The following C9 variants were observed in gnomAD, a reference collection of about 807,000 sequenced individuals.
C9 encodes complement component C9.
In C9, 63 loss-of-function variants were observed where a neutral mutation model predicts 65.4. The observed-to-expected ratio is 0.96, with a 90% CI of 0.79 to 1.19. The LOEUF is 1.19. Among genes scored for constraint, C9 ranks in the 50% most tolerant of loss-of-function variants. The pLI, the probability that C9 is intolerant of heterozygous loss-of-function variation, is 0.00. For synonymous variants in C9, 229 were observed against 227.9 expected (o/e 1.00, Z -0.04); for missense variants, 744 against 670.1 (o/e 1.11, Z -1.22).
chr5:39,285,945 C>T (rs1056045956), intron 10 of C9, among the ~76,000 whole-genome samples: 1 of 152,032 alleles, frequency 6.6e-6, no homozygotes, highest in Admixed American at 6.6e-5. Flanking sequence ...CTAGAACATT[C>T]TATGTCAACA....
Position 39,315,852 on chromosome 5 carries a change from G to A in C9, c.793C>T (p.His265Tyr), listed in dbSNP as rs1249666602. The change falls in exon 6 of 11, where the codon CAT (histidine) becomes TAT (tyrosine). Residue 265 changes from histidine to tyrosine, a missense_variant. Physicochemically the swap from His to Tyr is moderately conservative, Grantham distance 83. Coordinates refer to ENST00000263408, the MANE Select transcript of C9 (RefSeq NM_001737.5). The part of the protein sequence containing the change: ...CEETASSISL[H>Y]GKGSFRFSYS... Reference sequence around the variant, plus strand: ...GAAAACCGAAAACTACCCTTGCCATGTAAAGAAATTGAGGAGGCTGTTTCC... The same window carrying A: ...GAAAACCGAAAACTACCCTTGCCATATAAAGAAATTGAGGAGGCTGTTTCC... 6.2e-7 allele frequency: 1 copy of A among 1,611,612 alleles called. No homozygotes were observed. Among genetic ancestry groups the A allele is most frequent in the East Asian group, 2.2e-5 (1 of 44,806 alleles).
chr5:39,302,167 C>T (rs928497337), intron 9 of C9, among the ~76,000 whole-genome samples: 2 of 152,048 alleles, frequency 1.3e-5, no homozygotes, highest in African/African-American at 4.8e-5. Context: ...AAAAATTCCA[C>T]AGGAGGACAA....
intron 1 of C9, among the ~76,000 whole-genome samples, chr5:39,345,151 G>T (rs1008067533): frequency 2.0e-5 from 3 of 152,146 alleles, no homozygotes; most frequent in Admixed American, 6.5e-5. Flanking sequence ...ATAATGACAG[G>T]ATCAAATTCA....
At chr5:39,298,486 T>C (rs552251179) in intron 9 of C9, among the ~76,000 whole-genome samples, 13 of 151,900 alleles carry the variant, frequency 8.6e-5, no homozygotes, top group African/African-American at 2.9e-4. Context: ...GATATCACTA[T>C]AGAATCTACA....
At chr5:39,324,131 G>A (rs1404035018) in intron 5 of C9, among the ~76,000 whole-genome samples, 1 of 152,134 alleles carries the variant, frequency 6.6e-6, no homozygotes, top group Non-Finnish European at 1.5e-5. Flanking sequence ...GCTGTATGAT[G>A]AAATTCATAA....
chr5:39,363,906 G>A (rs548445455), intron 1 of C9, among the ~76,000 whole-genome samples: 21 of 152,302 alleles, frequency 1.4e-4, no homozygotes, highest in Admixed American at 6.5e-4. Flanking sequence ...CAAAATGCAT[G>A]CCTCTGAACA....
At chr5:39,357,908 A>G (rs1221191080) in intron 1 of C9, among the ~76,000 whole-genome samples, 3 of 152,202 alleles carry the variant, frequency 2.0e-5, no homozygotes, top group African/African-American at 7.2e-5. Context: ...ATCTAAAGAT[A>G]TTTGCTTGAA....
At chr5:39,294,649 A>T (rs942244395) in intron 9 of C9, among the ~76,000 whole-genome samples, 28 of 151,840 alleles carry the variant, frequency 1.8e-4, no homozygotes, top group Non-Finnish European at 2.9e-4. Context: ...ACAAGAATTA[A>T]CACTAATTCT....
At chr5:39,331,651 T>C (rs1051455566) in intron 5 of C9, 25 bp downstream of exon 5, 21 of 1,610,792 alleles carry the variant, frequency 1.3e-5, no homozygotes, top group Non-Finnish European at 1.6e-5. Context: ...AGTTGAACAA[T>C]GTGTTTTCCT....
At chr5:39,330,891 G>A (rs1753827276) in intron 5 of C9, among the ~76,000 whole-genome samples, 1 of 152,208 alleles carries the variant, frequency 6.6e-6, no homozygotes. Flanking sequence ...TTATTTAAAA[G>A]CATACACATT....
At chr5:39,302,752 C>A (rs1256031503) in intron 9 of C9, among the ~76,000 whole-genome samples, 2 of 151,958 alleles carry the variant, frequency 1.3e-5, no homozygotes, top group East Asian at 1.9e-4. Context: ...TACATTCATG[C>A]CAGGAGGACC....
intron 5 of C9, among the ~76,000 whole-genome samples, chr5:39,327,663 T>C (rs533327841): frequency 6.6e-6 from 1 of 152,258 alleles, no homozygotes; most frequent in Admixed American, 6.5e-5. Flanking sequence ...CAACTGGATA[T>C]ACAAGCATCT....
chr5:39,306,917 A>C (rs1753391752), intron 8 of C9, 125 bp from the exon 9 acceptor site: 3 of 657,150 alleles, frequency 4.6e-6, no homozygotes, highest in Admixed American at 2.9e-5. Context: ...GTATTTATTA[A>C]ATTTTAATTG....
At chr5:39,349,495 A>G (rs696765) in intron 1 of C9, among the ~76,000 whole-genome samples, 3,692 of 152,338 alleles carry the variant, frequency 0.024, 160 homozygotes, top group African/African-American at 0.085. Context: ...TCTTTCTGAC[A>G]TCCAAAGAAC....
chr5:39,310,411 T>G (rs921905499), intron 7 of C9, among the ~76,000 whole-genome samples: 27 of 152,180 alleles, frequency 1.8e-4, no homozygotes, highest in Admixed American at 9.8e-4. Context: ...TGATTACAAC[T>G]TATTAATATA....
At chr5:39,291,417 G>A (rs1026503937) in intron 9 of C9, among the ~76,000 whole-genome samples, 2 of 151,774 alleles carry the variant, frequency 1.3e-5, no homozygotes, top group African/African-American at 4.8e-5. Context: ...CAGAAAGAGG[G>A]AAGGAAACAT....
intron 7 of C9, among the ~76,000 whole-genome samples, chr5:39,308,763 G>T (rs759800912): frequency 1.3e-5 from 2 of 152,142 alleles, no homozygotes; most frequent in African/African-American, 4.8e-5. Context: ...GCCTTATGAA[G>T]TAAGTCCATA....
At chr5:39,300,962 G>A (rs190340926) in intron 9 of C9, among the ~76,000 whole-genome samples, 2 of 152,106 alleles carry the variant, frequency 1.3e-5, no homozygotes, top group Non-Finnish European at 1.5e-5. Flanking sequence ...ATTTTAGTGA[G>A]ACCAAGTTTA....
Position 39,285,145 on chromosome 5 carries a change from T to A in C9, c.*54A>T. 7.1e-7 allele frequency: 1 copy of A among 1,414,844 alleles called. No homozygotes were observed. Among genetic ancestry groups the A allele is most frequent in the East Asian group, 2.3e-5 (1 of 43,968 alleles). The allele number at this position is 1,414,844 out of a possible 1,614,324, so 87.6% of individuals were successfully genotyped here. The stretch of plus-strand genomic sequence containing the variant: ...GCTAAGATTATCTTCAGGGGTAGGA[T>A]CTGAAGGTACTAGTGTTTTCTTCTT... On this transcript the variant is annotated 3_prime_UTR_variant, in exon 11 of 11. Coordinates refer to ENST00000263408, the MANE Select transcript of C9 (RefSeq NM_001737.5).
Sources: allele counts gnomAD v4.1 joint callset (sites outside exome capture counted in the v4.1 genomes callset), GRCh38; gene constraint gnomAD v4.1.1; transcripts MANE v1.5; gene names NCBI Gene and HGNC (gene_info 2026-07-23, HGNC 2026-07-21).